WFDC2: variants seen among roughly 807,000 people sequenced by gnomAD.
WFDC2 encodes WAP four-disulfide core domain 2.
WFDC2 carries 8 observed loss-of-function variants against 12.5 expected under a neutral mutation model. The ratio of observed to expected loss-of-function variants is 0.64; its 90% confidence interval spans 0.37 to 1.15. The LOEUF (loss-of-function observed/expected upper bound fraction) is 1.15, where lower values mean the gene tolerates loss of function less well. WFDC2 is among the 50% of genes most tolerant of loss of function. The pLI is 0.01. For missense variants in WFDC2, 166 were observed against 159.9 expected (o/e 1.04, Z -0.21); for synonymous variants, 74 against 67.2 (o/e 1.10, Z -0.49).
chr20:45,480,940 C>G (rs1357622545), intron 3 of WFDC2, among the ~76,000 whole-genome samples: 1 of 152,204 alleles, frequency 6.6e-6, no homozygotes, highest in African/African-American at 2.4e-5. Flanking sequence ...TCTCACCTCC[C>G]TGAGTCACAG....
intron 3 of WFDC2, among the ~76,000 whole-genome samples, chr20:45,480,775 G>GC (rs1171125994): frequency 6.6e-6 from 1 of 152,098 alleles, no homozygotes; most frequent in East Asian, 1.9e-4. Flanking sequence ...ATCTAGAGAG[G>GC]GGGTGTGCTC....
At position 45,470,585 on chromosome 20, in the gene WFDC2, G is replaced by A; in HGVS notation, c.223+53G>A. ...GGGGCGGGGCCGCGCTGGGCTGGGA[G>A]GAGGTGGGAGGGCCCGGGTTCCGGG... On this transcript the variant is annotated intron_variant, in intron 2 of 3. Transcript: ENST00000372676. The surrounding 1 kb of genome is among the most constrained non-coding windows in gnomAD (Gnocchi z 5.4). 1 of 1,506,272 alleles carries A rather than the reference G, an allele frequency of 6.6e-7. No individual in the cohort carries two copies. Among genetic ancestry groups the A allele is most frequent in the Admixed American group, 2.2e-5 (1 of 46,122 alleles). The allele number at this position is 1,506,272 out of a possible 1,614,324, so 93.3% of individuals were successfully genotyped here. A position where few individuals can be genotyped will look rare whatever the true frequency, so the allele number is the denominator to read the frequency against.
At chr20:45,471,014 T>C (rs74618173) in intron 2 of WFDC2, 13,982 of 398,314 alleles carry the variant, frequency 0.035, 680 homozygotes, top group East Asian at 0.19. Context: ...AAAGGAACTT[T>C]ACAGATTTAG....
chr20:45,478,135 T>G (rs1285078163), intron 2 of WFDC2, among the ~76,000 whole-genome samples: 1 of 152,118 alleles, frequency 6.6e-6, no homozygotes, highest in African/African-American at 2.4e-5. Context: ...ACCACTTGTC[T>G]CCCTAGCTTC....
chr20:45,470,672 G>A lies in WFDC2; in HGVS notation c.223+140G>A. 4.1e-6 allele frequency: 5 copies of A among 1,219,998 alleles called. 1 individual carries two copies. The highest frequency in any genetic ancestry group is 5.5e-6 in the Non-Finnish European group (5 of 901,834). The allele number at this position is 1,219,998 out of a possible 1,614,324, so 75.6% of individuals were successfully genotyped here. A position where few individuals can be genotyped will look rare whatever the true frequency, so the allele number is the denominator to read the frequency against. ...AGTCAAGGCGGTTGAAACCAGATCC[G>A]TCAGTCCTCTCCCTCGCACGGCCCA... On this transcript the variant is annotated intron_variant, in intron 2 of 3. Coordinates refer to ENST00000372676, the MANE Select transcript of WFDC2 (RefSeq NM_006103.4). The surrounding 1 kb of genome is among the most constrained non-coding windows in gnomAD (Gnocchi z 5.4).
At chr20:45,480,229 C>A in intron 3 of WFDC2, 135 bp downstream of exon 3, 1 of 1,274,580 alleles carries the variant, frequency 7.8e-7, no homozygotes, top group Non-Finnish European at 1.1e-6. Context: ...GGGTGACCCT[C>A]AGCCTGTTCT....
chr20:45,470,336 T>C lies in WFDC2; in HGVS notation c.80-53T>C. 6.5e-7 allele frequency: 1 copy of C among 1,532,452 alleles called. No individual in the cohort carries two copies. Among genetic ancestry groups the C allele is most frequent in the Non-Finnish European group, 8.8e-7 (1 of 1,135,628 alleles). 94.9% of individuals were successfully genotyped at this position (1,532,452 alleles called of 1,614,324 possible). A position where few individuals can be genotyped will look rare whatever the true frequency, so the allele number is the denominator to read the frequency against. ...GGTTTGGAGCAGGAGGTGGGCATCC[T>C]CTGGGGCTGGCGCTACGCCCCACCC... On this transcript the variant is annotated intron_variant, in intron 1 of 3. Coordinates refer to ENST00000372676, the MANE Select transcript of WFDC2 (RefSeq NM_006103.4). This position sits in a 1 kb window ranked among gnomAD's most constrained non-coding sequence, Gnocchi z 5.4.
chr20:45,480,925 A>C (rs1991294175), intron 3 of WFDC2, among the ~76,000 whole-genome samples: 1 of 151,662 alleles, frequency 6.6e-6, no homozygotes. Context: ...ACACTTACCT[A>C]ACCTTCTCAC....
chr20:45,481,039 C>T (rs1991295154), intron 3 of WFDC2, among the ~76,000 whole-genome samples: 1 of 152,120 alleles, frequency 6.6e-6, no homozygotes, highest in Non-Finnish European at 1.5e-5. Flanking sequence ...GCAGAACTTC[C>T]TAATAGTAGA....
At chr20:45,479,508 C>T in intron 2 of WFDC2, 1 of 655,454 alleles carries the variant, frequency 1.5e-6, no homozygotes. Context: ...GGCTTGATAC[C>T]TGGCATGTAA....
rs1413207075 is a variant in WFDC2 at position 45,481,441 on chromosome 20, A to T, written c.*72A>T. On this transcript the variant is annotated 3_prime_UTR_variant, in exon 4 of 4. Coordinates refer to ENST00000372676, the MANE Select transcript of WFDC2 (RefSeq NM_006103.4). ...CTGGCCCTGCATCTGGTTCCAGCCC[A>T]CCTGCCCTCCCCTTTTTCGGGACTC... 1 of 152,368 alleles carries T rather than the reference A, an allele frequency of 6.6e-6. No individual in the cohort carries two copies. The highest frequency in any genetic ancestry group is 1.5e-5 in the Non-Finnish European group (1 of 68,122). 9.4% of individuals were successfully genotyped at this position (152,368 alleles called of 1,614,324 possible).
At chr20:45,476,789 C>G (rs144079343) in intron 2 of WFDC2, among the ~76,000 whole-genome samples, 10,589 of 152,196 alleles carry the variant, frequency 0.07, 416 homozygotes, top group South Asian at 0.13. Context: ...TCCATTCTCC[C>G]CATCACTTTC....
chr20:45,477,348 G>T (rs574273100), intron 2 of WFDC2, among the ~76,000 whole-genome samples: 1 of 152,268 alleles, frequency 6.6e-6, no homozygotes, highest in Admixed American at 6.5e-5. Context: ...ATGATCTTTG[G>T]ATGGGCCTTC....
chr20:45,471,868 G>GC (rs11086967), intron 2 of WFDC2, among the ~76,000 whole-genome samples: 49,930 of 152,044 alleles, frequency 0.33, 9,756 homozygotes, highest in East Asian at 0.62. Flanking sequence ...TGAGCATGTT[G>GC]TTTACCTCTC....
At chr20:45,472,662 G>A (rs765735216) in intron 2 of WFDC2, among the ~76,000 whole-genome samples, 4 of 152,054 alleles carry the variant, frequency 2.6e-5, no homozygotes, top group Non-Finnish European at 5.9e-5. Flanking sequence ...ATGTGTGCAT[G>A]TGTCTTTATT....
At chr20:45,479,415 C>A (rs1464278978) in intron 2 of WFDC2, 2 of 525,060 alleles carry the variant, frequency 3.8e-6, no homozygotes, top group Non-Finnish European at 6.7e-6. Context: ...AGTTTCCTCA[C>A]TTGTAACACA....
intron 2 of WFDC2, among the ~76,000 whole-genome samples, chr20:45,478,662 G>T: frequency 6.6e-6 from 1 of 151,258 alleles, no homozygotes; most frequent in South Asian, 2.1e-4. Context: ...GTCTCGCTCT[G>T]TCGCCCAGGC....
chr20:45,470,543 G>A lies in WFDC2; in HGVS notation c.223+11G>A. 1.3e-6 allele frequency: 2 copies of A among 1,584,888 alleles called. No homozygotes were observed. Among genetic ancestry groups the A allele is most frequent in the East Asian group, 2.3e-5 (1 of 44,068 alleles). ...GCTCTCTGCCCAATGGTAACCCCAC[G>A]GCGGCCGAGCGGGAACGGGGCGGGG... On this transcript the variant is annotated intron_variant, in intron 2 of 3. Transcript: ENST00000372676. This position sits in a 1 kb window ranked among gnomAD's most constrained non-coding sequence, Gnocchi z 5.4.
At position 45,470,360 on chromosome 20, in the gene WFDC2, C is replaced by T; in HGVS notation, c.80-29C>T. 1.3e-6 allele frequency: 2 copies of T among 1,561,674 alleles called. No homozygotes were observed. The highest frequency in any genetic ancestry group is 1.7e-6 in the Non-Finnish European group (2 of 1,151,906). ...CTCTGGGGCTGGCGCTACGCCCCAC[C>T]CTCGACTGTCCCGGGCCTCCCCTCC... On this transcript the variant is annotated intron_variant, in intron 1 of 3. Coordinates refer to ENST00000372676, the MANE Select transcript of WFDC2 (RefSeq NM_006103.4). This position sits in a 1 kb window ranked among gnomAD's most constrained non-coding sequence, Gnocchi z 5.4.
Sources: allele counts gnomAD v4.1 joint callset (sites outside exome capture counted in the v4.1 genomes callset), GRCh38; gene constraint gnomAD v4.1.1; non-coding constraint Gnocchi (gnomAD v3.1); transcripts MANE v1.5; gene names NCBI Gene and HGNC (gene_info 2026-07-23, HGNC 2026-07-21).